Variants in SUV39H2 observed in about 807,000 individuals in gnomAD.
SUV39H2 encodes the protein SUV39H2 histone lysine methyltransferase, also known as histone-lysine N-methyltransferase SUV39H2.
SUV39H2 carries 10 observed loss-of-function variants against 47.5 expected under a neutral mutation model. The observed-to-expected ratio is 0.21, with a 90% CI of 0.13 to 0.36. SUV39H2 has a LOEUF of 0.36. Among genes scored for constraint, SUV39H2 ranks in the 10% least tolerant of loss-of-function variants. SUV39H2 has a pLI of 1.00. For missense variants in SUV39H2, 266 were observed against 487.4 expected (o/e 0.55, Z 4.28); for synonymous variants, 159 against 166.8 (o/e 0.95, Z 0.36).
At position 14,903,299 on chromosome 10, in the gene SUV39H2, A is replaced by G. The variant is rs1470056543; in HGVS notation, c.*787A>G. The stretch of plus-strand genomic sequence containing the variant: ...TTTTTTGGAGTACCAAGCAAGGGGA[A>G]TGGAGCACTTTAAGGGCGCCTGTTA... On this transcript the variant is annotated 3_prime_UTR_variant, in exon 6 of 6. Transcript: ENST00000354919. 3.3e-5 allele frequency: 5 copies of G among 152,214 alleles called. No individual in the cohort carries two copies. Among genetic ancestry groups the G allele is most frequent in the African/African-American group, 1.2e-4 (5 of 41,458 alleles). 9.4% of individuals were successfully genotyped at this position (152,214 alleles called of 1,614,324 possible). A position where few individuals can be genotyped will look rare whatever the true frequency, so the allele number is the denominator to read the frequency against.
At chr10:14,884,225 CTG>C (rs1833136350) in intron 2 of SUV39H2, among the ~76,000 whole-genome samples, 1 of 152,172 alleles carries the variant, frequency 6.6e-6, no homozygotes, top group Non-Finnish European at 1.5e-5. Context: ...TATGGTGACT[CTG>C]TGTTTAACTG....
At chr10:14,885,956 C>T (rs532314815) in intron 2 of SUV39H2, among the ~76,000 whole-genome samples, 3 of 152,258 alleles carry the variant, frequency 2.0e-5, no homozygotes, top group South Asian at 2.1e-4. Context: ...CCCTATTTAA[C>T]AGTCTCATCT....
At chr10:14,889,861 T>C (rs926036109) in intron 2 of SUV39H2, among the ~76,000 whole-genome samples, 2 of 152,190 alleles carry the variant, frequency 1.3e-5, no homozygotes, top group Admixed American at 6.5e-5. Flanking sequence ...AAGGTGATTT[T>C]TCTGCAGCAT....
chr10:14,880,777 T>C (rs552700575), intron 1 of SUV39H2, among the ~76,000 whole-genome samples: 1 of 152,332 alleles, frequency 6.6e-6, no homozygotes, highest in East Asian at 1.9e-4. Flanking sequence ...ACATGGCTTA[T>C]GTAAATTGAA....
At chr10:14,887,606 A>T (rs1056101839) in intron 2 of SUV39H2, among the ~76,000 whole-genome samples, 2 of 152,184 alleles carry the variant, frequency 1.3e-5, no homozygotes, top group African/African-American at 4.8e-5. Flanking sequence ...ATAGAGAGGG[A>T]AGCCTTGGGA....
rs553512697 is a variant in SUV39H2 at position 14,902,791 on chromosome 10, G to A, written c.*279G>A. On this transcript the variant is annotated 3_prime_UTR_variant, in exon 6 of 6. Coordinates refer to ENST00000354919, the MANE Select transcript of SUV39H2 (RefSeq NM_001193424.2). ...AGTATATGTGTACTTAAGTCTATGT[G>A]AACAGAGAAATGCCTCCCGTAGTGT... The A allele has an allele frequency of 1.4e-4, 29 of 200,126 alleles. No homozygotes were observed. The highest frequency in any genetic ancestry group is 6.7e-4 in the African/African-American group (29 of 43,138). 12.4% of individuals were successfully genotyped at this position (200,126 alleles called of 1,614,324 possible). A position where few individuals can be genotyped will look rare whatever the true frequency, so the allele number is the denominator to read the frequency against.
intron 2 of SUV39H2, among the ~76,000 whole-genome samples, chr10:14,888,842 C>T (rs1336014199): frequency 1.3e-5 from 2 of 152,078 alleles, no homozygotes; most frequent in Non-Finnish European, 2.9e-5. Context: ...CAGTGGCTCA[C>T]GCCTGTAATC....
At chr10:14,894,363 T>G (rs1336274651) in intron 2 of SUV39H2, among the ~76,000 whole-genome samples, 2 of 77,488 alleles carry the variant, frequency 2.6e-5, no homozygotes, top group African/African-American at 8.7e-5. Context: ...AAGTTTTTTT[T>G]TTTTTTTTTT....
At chr10:14,899,401 G>T (rs1457158778) in intron 3 of SUV39H2, 138 bp from the exon 4 acceptor site, 2 of 877,070 alleles carry the variant, frequency 2.3e-6, no homozygotes, top group East Asian at 2.6e-5. Flanking sequence ...GTCTTAGTTT[G>T]TGTGAATGTT....
intron 2 of SUV39H2, among the ~76,000 whole-genome samples, chr10:14,884,963 A>T (rs527718231): frequency 6.6e-6 from 1 of 152,326 alleles, no homozygotes; most frequent in South Asian, 2.1e-4. Context: ...TAATTATACT[A>T]TGTGAGTGCT....
intron 2 of SUV39H2, among the ~76,000 whole-genome samples, chr10:14,888,988 A>G (rs921072598): frequency 3.9e-5 from 6 of 152,118 alleles, no homozygotes; most frequent in Admixed American, 2.0e-4. Context: ...GTGTCATCCC[A>G]GCTACTTGAG....
intron 1 of SUV39H2, chr10:14,879,223 G>C (rs1832966290): frequency 1.2e-6 from 1 of 803,046 alleles, no homozygotes. Flanking sequence ...GGCGGCCTCG[G>C]GCTTCGAGGC....
At chr10:14,894,701 TGAATA>T (rs1013779372) in intron 2 of SUV39H2, among the ~76,000 whole-genome samples, 2 of 152,186 alleles carry the variant, frequency 1.3e-5, no homozygotes, top group African/African-American at 4.8e-5. Context: ...TACTGCTTGT[TGAATA>T]GAATATAATG....
intron 3 of SUV39H2, chr10:14,898,723 A>G (rs1459203098): frequency 1.3e-5 from 2 of 152,508 alleles, no homozygotes; most frequent in African/African-American, 4.8e-5. Flanking sequence ...TGTGTTCTTA[A>G]GAGCAGAACT....
intron 2 of SUV39H2, among the ~76,000 whole-genome samples, chr10:14,896,365 G>A (rs1019614512): frequency 5.7e-4 from 87 of 152,354 alleles, no homozygotes; most frequent in Non-Finnish European, 4.0e-4. Flanking sequence ...TCTAGAGAAT[G>A]TGTGCCCATG....
intron 1 of SUV39H2, 37 bp downstream of exon 1, chr10:14,878,956 C>T: frequency 2.1e-6 from 3 of 1,427,392 alleles, no homozygotes; most frequent in Middle Eastern, 3.9e-4. Context: ...CTTCCCTGTT[C>T]CCAGGCAAGC....
At chr10:14,898,984 A>C in intron 3 of SUV39H2, 1 of 487,070 alleles carries the variant, frequency 2.1e-6, no homozygotes, top group Non-Finnish European at 3.6e-6. Context: ...TGAACATCCT[A>C]ATTATAATGA....
At chr10:14,885,495 G>T (rs542359227) in intron 2 of SUV39H2, among the ~76,000 whole-genome samples, 1 of 152,272 alleles carries the variant, frequency 6.6e-6, no homozygotes, top group Non-Finnish European at 1.5e-5. Context: ...TTACTTACGG[G>T]TCTGTGCTTA....
intron 2 of SUV39H2, among the ~76,000 whole-genome samples, chr10:14,893,836 T>TA (rs1833473480): frequency 6.6e-6 from 1 of 152,238 alleles, no homozygotes; most frequent in South Asian, 2.1e-4. Context: ...TAAATACAAT[T>TA]AATTATTTGG....
Sources: allele counts gnomAD v4.1 joint callset (sites outside exome capture counted in the v4.1 genomes callset), GRCh38; gene constraint gnomAD v4.1.1; transcripts MANE v1.5; gene names NCBI Gene and HGNC (gene_info 2026-07-23, HGNC 2026-07-21).